Variants in ASIC2 observed in about 807,000 individuals in gnomAD.
ASIC2 encodes the protein acid-sensing ion channel 2.
In ASIC2, 25 loss-of-function variants were observed where a neutral mutation model predicts 57.3. The observed-to-expected ratio is 0.44, with a 90% CI of 0.32 to 0.61. The LOEUF is 0.61. Among genes scored for constraint, ASIC2 ranks in the 20% least tolerant of loss-of-function variants. ASIC2 has a pLI of 0.06. For missense variants in ASIC2, 641 were observed against 738.1 expected, an observed-to-expected ratio of 0.87 and a Z score of 1.52; for synonymous variants, 319 against 307.5, an observed-to-expected ratio of 1.04 and a Z score of -0.39.
intron 1 of ASIC2, chr17:34,006,681 ATACATGTG>A (rs1385440189): frequency 6.6e-6 from 1 of 152,178 alleles, no homozygotes; most frequent in African/African-American, 2.4e-5. Context: ...TGATGATTTG[ATACATGTG>A]TAAATTTTGT....
intron 1 of ASIC2, among the ~76,000 whole-genome samples, chr17:33,276,457 G>C (rs1050097796): frequency 6.6e-6 from 1 of 152,244 alleles, no homozygotes; most frequent in South Asian, 2.1e-4. Context: ...AGACTTTCTC[G>C]CTCCTAAGTA....
intron 1 of ASIC2, among the ~76,000 whole-genome samples, chr17:33,303,038 A>G (rs1217005280): frequency 3.3e-5 from 5 of 152,228 alleles, no homozygotes; most frequent in Non-Finnish European, 5.9e-5. Flanking sequence ...CCAGCACTGA[A>G]TTAACCCTCA....
chr17:34,102,836 A>G (rs1397139842), intron 1 of ASIC2, among the ~76,000 whole-genome samples: 1 of 152,142 alleles, frequency 6.6e-6, no homozygotes, highest in Non-Finnish European at 1.5e-5. Flanking sequence ...TGGATTAAGG[A>G]GTGTTCCTCT....
chr17:33,826,853 G>C (rs950871396), intron 1 of ASIC2, among the ~76,000 whole-genome samples: 3 of 152,260 alleles, frequency 2.0e-5, no homozygotes, highest in Non-Finnish European at 2.9e-5. Context: ...AACCTTAATA[G>C]AGAAGCAGTA....
chr17:34,149,498 T>C (rs1276783446), intron 1 of ASIC2, among the ~76,000 whole-genome samples: 2 of 152,162 alleles, frequency 1.3e-5, no homozygotes, highest in Admixed American at 6.5e-5. Context: ...AATTTCACCA[T>C]ATATCAACTA....
chr17:33,719,109 G>A (rs1193892877), intron 1 of ASIC2, among the ~76,000 whole-genome samples: 2 of 152,116 alleles, frequency 1.3e-5, no homozygotes, highest in Non-Finnish European at 2.9e-5. Context: ...AGGGTGGGAG[G>A]AGCCCTTAAT....
chr17:33,738,397 G>A (rs1411520493), intron 1 of ASIC2, among the ~76,000 whole-genome samples: 1 of 152,134 alleles, frequency 6.6e-6, no homozygotes, highest in African/African-American at 2.4e-5. Context: ...GTCAGCACCT[G>A]CATTTTCTGG....
intron 1 of ASIC2, among the ~76,000 whole-genome samples, chr17:34,051,949 T>C (rs1186081005): frequency 4.2e-4 from 64 of 152,060 alleles, no homozygotes. Flanking sequence ...TTGAAGAACA[T>C]CTTGCCCTAA....
chr17:33,278,643 A>G (rs12952691), intron 1 of ASIC2, among the ~76,000 whole-genome samples: 23,274 of 151,986 alleles, frequency 0.15, 1,993 homozygotes, highest in Admixed American at 0.19. Context: ...CTGTGAGGGG[A>G]GGGTCAGCTC....
intron 1 of ASIC2, among the ~76,000 whole-genome samples, chr17:33,690,036 CT>C (rs973784042): frequency 2.6e-5 from 4 of 152,206 alleles, no homozygotes; most frequent in African/African-American, 9.6e-5. Context: ...TTTGTGGTAA[CT>C]TGTTATAGCA....
intron 7 of ASIC2, 82 bp from the exon 8 acceptor site, chr17:33,017,766 C>T: frequency 1.5e-6 from 2 of 1,328,974 alleles, no homozygotes; most frequent in East Asian, 2.3e-5. Context: ...CAACCCAGAC[C>T]TTCTGAATGG....
chr17:33,540,506 C>T (rs1915373601), intron 1 of ASIC2, among the ~76,000 whole-genome samples: 1 of 152,130 alleles, frequency 6.6e-6, no homozygotes, highest in South Asian at 2.1e-4. Flanking sequence ...GTCAGGCTAG[C>T]TGGTCTACCT....
intron 1 of ASIC2, among the ~76,000 whole-genome samples, chr17:33,516,025 A>C (rs763962378): frequency 1.3e-5 from 2 of 152,160 alleles, no homozygotes; most frequent in Non-Finnish European, 2.9e-5. Flanking sequence ...GGGTAGCTTG[A>C]GTTGGAGAGG....
intron 1 of ASIC2, among the ~76,000 whole-genome samples, chr17:33,607,555 T>C (rs1022024519): frequency 2.6e-5 from 4 of 152,298 alleles, no homozygotes; most frequent in Middle Eastern, 3.4e-3. Flanking sequence ...TGGGCCATGG[T>C]TGTATTTTTC....
At chr17:33,200,423 T>C (rs1455745427) in intron 1 of ASIC2, among the ~76,000 whole-genome samples, 3 of 152,178 alleles carry the variant, frequency 2.0e-5, no homozygotes, top group Non-Finnish European at 2.9e-5. Flanking sequence ...GACACCCAAC[T>C]GCCCACTTAC....
intron 1 of ASIC2, among the ~76,000 whole-genome samples, chr17:33,668,542 TTGTGATGAGATTGGACCCACC>T (rs1005561772): frequency 6.6e-6 from 1 of 152,156 alleles, no homozygotes; most frequent in African/African-American, 2.4e-5. Flanking sequence ...TTTTAAGAAC[TTGTGATGAGATTGGACCCACC>T]TGGATAGTCC....
chr17:34,016,519 G>T (rs1906987985), intron 1 of ASIC2, among the ~76,000 whole-genome samples: 1 of 151,676 alleles, frequency 6.6e-6, no homozygotes, highest in Non-Finnish European at 1.5e-5. Flanking sequence ...CCAGATGATG[G>T]AAATGTGTTT....
chr17:33,590,939 G>A (rs949456167), intron 1 of ASIC2, among the ~76,000 whole-genome samples: 4 of 152,232 alleles, frequency 2.6e-5, no homozygotes, highest in Admixed American at 2.6e-4. Flanking sequence ...AGCTGTGTGT[G>A]TTTGGCACAT....
intron 1 of ASIC2, among the ~76,000 whole-genome samples, chr17:33,879,570 A>G (rs1914646131): frequency 6.6e-6 from 1 of 152,232 alleles, no homozygotes; most frequent in South Asian, 2.1e-4. Flanking sequence ...CTAAATATAT[A>G]TGCACCCAAT....
Sources: allele counts gnomAD v4.1 joint callset (sites outside exome capture counted in the v4.1 genomes callset), GRCh38; gene constraint gnomAD v4.1.1; transcripts MANE v1.5; gene names NCBI Gene and HGNC (gene_info 2026-07-23, HGNC 2026-07-21).